The following TSPAN14 variants were observed in gnomAD, a reference collection of about 807,000 sequenced individuals.
The protein encoded by TSPAN14 is tetraspanin 14, also known as tetraspanin-14.
Under a neutral mutation model 36.6 loss-of-function variants are expected in TSPAN14, and 16 were observed. The ratio of observed to expected loss-of-function variants is 0.44; its 90% CI spans 0.30 to 0.66. The LOEUF (loss-of-function observed/expected upper bound fraction) is 0.66. Ranked by LOEUF, TSPAN14 falls within the 30% of genes least tolerant of loss-of-function variation. TSPAN14 has a pLI of 0.12. For missense variants in TSPAN14, 231 were observed against 355.1 expected, an observed-to-expected ratio of 0.65 and a Z score of 2.81; for synonymous variants, 139 against 143.8, an observed-to-expected ratio of 0.97 and a Z score of 0.24.
chr10:80,458,795 G>A (rs570674822), intron 1 of TSPAN14, among the ~76,000 whole-genome samples: 11 of 152,268 alleles, frequency 7.2e-5, no homozygotes, highest in African/African-American at 2.2e-4. Flanking sequence ...AGGGCAAGTA[G>A]CCATTTTGGT....
At chr10:80,458,947 GTGACCTACAC>G (rs1460956028) in intron 1 of TSPAN14, among the ~76,000 whole-genome samples, 3 of 151,790 alleles carry the variant, frequency 2.0e-5, no homozygotes, top group Non-Finnish European at 4.4e-5. Context: ...TTCTAGTTGA[GTGACCTACAC>G]AAGTCTTTGA....
chr10:80,460,740 C>T (rs1257486303), intron 1 of TSPAN14, among the ~76,000 whole-genome samples: 3 of 152,184 alleles, frequency 2.0e-5, no homozygotes, highest in Admixed American at 1.3e-4. Context: ...CCCTCTGCAC[C>T]CAGGAAATCG....
intron 1 of TSPAN14, among the ~76,000 whole-genome samples, chr10:80,456,515 C>T (rs974101500): frequency 9.2e-5 from 14 of 152,176 alleles, no homozygotes; most frequent in African/African-American, 3.4e-4. Flanking sequence ...AGCAGGAAAG[C>T]CCTGGGTTCT....
chr10:80,468,420 A>G (rs1564711934), intron 1 of TSPAN14: 2 of 152,386 alleles, frequency 1.3e-5, no homozygotes, highest in East Asian at 3.9e-4. Context: ...CAAAATCCCA[A>G]ACAAATCCCA....
intron 7 of TSPAN14, 128 bp from the exon 8 acceptor site, chr10:80,516,076 C>T (rs1267616387): frequency 2.1e-6 from 3 of 1,445,570 alleles, no homozygotes; most frequent in Admixed American, 1.9e-5. Context: ...GGAGAGTCCT[C>T]CTTGCCTGCC....
At chr10:80,510,731 G>A (rs1018206159) in intron 5 of TSPAN14, among the ~76,000 whole-genome samples, 2 of 152,034 alleles carry the variant, frequency 1.3e-5, no homozygotes, top group Non-Finnish European at 1.5e-5. Flanking sequence ...AAAATTAGTG[G>A]GGTGTGGCGG....
At chr10:80,489,243 T>A in exon 2 of TSPAN14, 1 of 1,582,548 alleles carries the variant, frequency 6.3e-7, no homozygotes, top group Non-Finnish European at 8.6e-7. Flanking sequence ...GATGCACTAT[T>A]ATAGATACTC....
intron 5 of TSPAN14, among the ~76,000 whole-genome samples, chr10:80,511,736 CTCTCTCTCTCTCT>C (rs1564745130): frequency 1.5e-5 from 2 of 132,442 alleles, no homozygotes; most frequent in African/African-American, 5.7e-5. Context: ...CTCTCTCTCT[CTCTCTCTCTCTCT>C]CTCTCTCTCT....
At chr10:80,507,154 C>T (rs1840346147) in intron 3 of TSPAN14, 74 bp from the exon 4 acceptor site, 2 of 1,575,092 alleles carry the variant, frequency 1.3e-6, no homozygotes, top group East Asian at 2.3e-5. Context: ...TTCAGTACCA[C>T]CTGCATCCCC....
At chr10:80,506,988 A>C (rs1019337751) in intron 3 of TSPAN14, among the ~76,000 whole-genome samples, 1 of 152,200 alleles carries the variant, frequency 6.6e-6, no homozygotes, top group African/African-American at 2.4e-5. Flanking sequence ...GCTGCCTAGG[A>C]GGAACTTGTA....
intron 1 of TSPAN14, among the ~76,000 whole-genome samples, chr10:80,465,844 G>A (rs1846213355): frequency 1.3e-5 from 2 of 152,140 alleles, no homozygotes; most frequent in Non-Finnish European, 2.9e-5. Context: ...TAACTGAGGG[G>A]AACTGTACCC....
At chr10:80,512,233 C>T (rs767067400) in exon 6 of TSPAN14, 118 of 1,614,040 alleles carry the variant, frequency 7.3e-5, no homozygotes, top group Non-Finnish European at 9.2e-5. Context: ...GAGAGAAGTG[C>T]GGGGTCCCCT....
chr10:80,499,194 C>T (rs1346323665), intron 2 of TSPAN14, among the ~76,000 whole-genome samples: 1 of 152,144 alleles, frequency 6.6e-6, no homozygotes, highest in African/African-American at 2.4e-5. Flanking sequence ...TCAGCAGGGC[C>T]TGGCCGGGTG....
intron 2 of TSPAN14, among the ~76,000 whole-genome samples, chr10:80,501,466 T>A (rs893648512): frequency 2.0e-5 from 3 of 152,046 alleles, no homozygotes; most frequent in African/African-American, 4.8e-5. Flanking sequence ...GACTTAGTAG[T>A]CAAGGTGAGA....
chr10:80,516,943 A>G (rs1840970572), intron 8 of TSPAN14, among the ~76,000 whole-genome samples: 1 of 152,216 alleles, frequency 6.6e-6, no homozygotes, highest in Non-Finnish European at 1.5e-5. Context: ...GCAGGCAGTG[A>G]GGCCTGGGGT....
intron 3 of TSPAN14, 112 bp from the exon 4 acceptor site, chr10:80,507,116 G>A: frequency 1.4e-6 from 2 of 1,399,962 alleles, no homozygotes; most frequent in Non-Finnish European, 2.0e-6. Flanking sequence ...CAACAAGAGG[G>A]CTGAGCCTGG....
intron 7 of TSPAN14, among the ~76,000 whole-genome samples, chr10:80,514,379 C>T (rs772948374): frequency 1.3e-5 from 2 of 152,134 alleles, no homozygotes; most frequent in Non-Finnish European, 2.9e-5. Context: ...TCCTTGGCAT[C>T]CCAGAAGACG....
At chr10:80,517,859 T>G in intron 8 of TSPAN14, 46 bp from the exon 9 acceptor site, 5 of 1,521,064 alleles carry the variant, frequency 3.3e-6, no homozygotes, top group African/African-American at 1.4e-5. Flanking sequence ...GCCCTCTGCC[T>G]TTGGGCCCCA....
intron 1 of TSPAN14, among the ~76,000 whole-genome samples, chr10:80,457,120 T>C (rs1158428820): frequency 1.3e-5 from 2 of 152,138 alleles, no homozygotes; most frequent in Admixed American, 6.6e-5. Context: ...ATTTTACAGA[T>C]GAGGAAACTG....
Sources: allele counts gnomAD v4.1 joint callset (sites outside exome capture counted in the v4.1 genomes callset), GRCh38; gene constraint gnomAD v4.1.1; transcripts MANE v1.5; gene names NCBI Gene and HGNC (gene_info 2026-07-23, HGNC 2026-07-21).